Variants in PECR observed in about 807,000 individuals in gnomAD.
PECR encodes 2,4-dienoyl-CoA reductase-related protein.
Under a neutral mutation model 35.3 loss-of-function variants are expected in PECR, and 30 were observed. The observed-to-expected ratio is 0.85, with a 90% CI of 0.64 to 1.15. The LOEUF (loss-of-function observed/expected upper bound fraction) is 1.15. PECR is among the 50% of genes most tolerant of loss of function. The pLI is 0.00. For synonymous variants in PECR, 148 were observed against 138.9 expected (o/e 1.07, Z -0.46); for missense variants, 392 against 370.8 (o/e 1.06, Z -0.47).
intron 5 of PECR, among the ~76,000 whole-genome samples, chr2:216,050,062 A>G (rs1322339671): frequency 1.3e-5 from 2 of 152,168 alleles, no homozygotes; most frequent in African/African-American, 4.8e-5. Context: ...TACAAAAAAT[A>G]TAAAAAAGAA....
At chr2:216,070,190 C>T (rs1695560183) in intron 1 of PECR, among the ~76,000 whole-genome samples, 2 of 152,040 alleles carry the variant, frequency 1.3e-5, no homozygotes, top group Non-Finnish European at 2.9e-5. Flanking sequence ...TTTTAACTGA[C>T]AAATAACTAT....
At position 216,042,599 on chromosome 2, in the gene PECR, G is replaced by A. The variant is rs4674050; in HGVS notation, c.826+1305C>T. Among the ~76,000 whole-genome samples, 436 of 152,020 alleles carry A rather than the reference G, an allele frequency of 2.9e-3. 4 individuals carry two copies. The highest frequency in any genetic ancestry group is 0.01 in the African/African-American group (422 of 41,444). On this transcript the variant is annotated intron_variant, in intron 7 of 7. Coordinates refer to ENST00000265322, the MANE Select transcript of PECR (RefSeq NM_018441.6). Reference sequence around the variant, plus strand: ...TATTAGCTTAGATAAACCTTTTAACGTCTGTGGATTTGTTTTGTTGTTTAT... The same window carrying A: ...TATTAGCTTAGATAAACCTTTTAACATCTGTGGATTTGTTTTGTTGTTTAT...
intron 7 of PECR, among the ~76,000 whole-genome samples, chr2:216,030,630 G>A (rs537697883): frequency 1.6e-4 from 24 of 151,584 alleles, no homozygotes; most frequent in African/African-American, 4.8e-4. Flanking sequence ...TGCAACCTCC[G>A]CCCCCAGGTT....
chr2:216,044,430 A>G (rs1200915262), intron 6 of PECR, among the ~76,000 whole-genome samples: 2 of 152,292 alleles, frequency 1.3e-5, no homozygotes, highest in African/African-American at 4.8e-5. Flanking sequence ...GGTCCCTGAA[A>G]TAGTCAATGT....
At chr2:216,079,807 C>A (rs1340980634) in intron 1 of PECR, among the ~76,000 whole-genome samples, 1 of 149,406 alleles carries the variant, frequency 6.7e-6, no homozygotes, top group Non-Finnish European at 1.5e-5. Flanking sequence ...CATATAGAAA[C>A]CCCATCTCTA....
At chr2:216,029,731 C>T (rs1033549359) in intron 7 of PECR, among the ~76,000 whole-genome samples, 15 of 152,204 alleles carry the variant, frequency 9.9e-5, no homozygotes, top group African/African-American at 3.6e-4. Flanking sequence ...ATGCCTAGGG[C>T]CAGAATAGTC....
At chr2:216,065,043 G>A (rs1222077883) in intron 3 of PECR, among the ~76,000 whole-genome samples, 4 of 152,082 alleles carry the variant, frequency 2.6e-5, no homozygotes, top group Non-Finnish European at 5.9e-5. Flanking sequence ...CCAATTTTAT[G>A]AACAAATTAA....
chr2:216,062,577 G>C (rs1695377500), intron 3 of PECR, among the ~76,000 whole-genome samples: 1 of 152,152 alleles, frequency 6.6e-6, no homozygotes, highest in South Asian at 2.1e-4. Context: ...AGCTGAAACA[G>C]ACTGGGTCGG....
intron 6 of PECR, among the ~76,000 whole-genome samples, chr2:216,045,934 T>C (rs1559209031): frequency 6.6e-6 from 1 of 152,052 alleles, no homozygotes; most frequent in Non-Finnish European, 1.5e-5. Context: ...TCCCAGCATT[T>C]TGGGAGGCCG....
intron 4 of PECR, among the ~76,000 whole-genome samples, chr2:216,053,805 A>G (rs1281080068): frequency 6.6e-6 from 1 of 152,180 alleles, no homozygotes; most frequent in East Asian, 1.9e-4. Flanking sequence ...TAAAAATGCA[A>G]TCTCTAGCTT....
At chr2:216,078,158 G>C (rs1020134780) in intron 1 of PECR, among the ~76,000 whole-genome samples, 5 of 152,024 alleles carry the variant, frequency 3.3e-5, no homozygotes, top group African/African-American at 7.2e-5. Flanking sequence ...AAAACTGGAG[G>C]CTAGGCGCGG....
chr2:216,060,408 T>C (rs970376114), intron 3 of PECR, among the ~76,000 whole-genome samples: 4 of 152,182 alleles, frequency 2.6e-5, no homozygotes, highest in African/African-American at 9.7e-5. Context: ...ACACCCGTAA[T>C]CCCAGCACTT....
intron 4 of PECR, 91 bp from the exon 5 acceptor site, chr2:216,051,636 G>C: frequency 1.2e-6 from 1 of 825,596 alleles, no homozygotes. Context: ...CTACCTGACA[G>C]AATTCCACAA....
intron 6 of PECR, among the ~76,000 whole-genome samples, chr2:216,046,283 T>TAC (rs1203249346): frequency 8.3e-6 from 1 of 120,940 alleles, no homozygotes; most frequent in African/African-American, 3.6e-5. Flanking sequence ...AAAGTATATA[T>TAC]ATATACATAC....
Position 216,066,251 on chromosome 2 carries a change from C to G in PECR, c.258+134G>C. On this transcript the variant is annotated intron_variant, in intron 2 of 7. Coordinates refer to ENST00000265322, the MANE Select transcript of PECR (RefSeq NM_018441.6). ...CAGTAAATCATTAACATGAGAATCT[C>G]TTTCACAGCCTCTGCTTCTAGTGAG... 11 of 812,154 alleles carry G rather than the reference C, an allele frequency of 1.4e-5. No individual in the cohort carries two copies. The South Asian group carries it at 1.5e-4, about 11-fold the overall frequency. The allele number at this position is 812,154 out of a possible 1,614,324, so 50.3% of individuals were successfully genotyped here.
chr2:216,056,889 A>C lies in PECR; in HGVS notation c.506+2006T>G, dbSNP rs145870077. On this transcript the variant is annotated intron_variant, in intron 4 of 7. Transcript: ENST00000265322. ...CTATGAGTCATGGTCCAAAGTGTGA[A>C]GGCCACTGGAAAAGGAAACGATTCT... Among the ~76,000 whole-genome samples the C allele has an allele frequency of 6.0e-3, 914 of 152,232 alleles. 18 individuals carry two copies. Among genetic ancestry groups the C allele is most frequent in the African/African-American group, 0.021 (867 of 41,490 alleles).
intron 1 of PECR, among the ~76,000 whole-genome samples, chr2:216,081,125 T>C (rs1193177330): frequency 6.6e-6 from 1 of 152,256 alleles, no homozygotes; most frequent in Non-Finnish European, 1.5e-5. Context: ...TTGTGGTTTA[T>C]TCCCTCACTT....
intron 7 of PECR, among the ~76,000 whole-genome samples, chr2:216,041,481 G>A (rs1056236053): frequency 2.6e-5 from 4 of 152,072 alleles, no homozygotes; most frequent in Admixed American, 2.0e-4. Context: ...CATGTGGGAG[G>A]GGAAAATAAT....
At chr2:216,074,737 T>G (rs552409201) in intron 1 of PECR, among the ~76,000 whole-genome samples, 138 of 152,370 alleles carry the variant, frequency 9.1e-4, no homozygotes, top group Middle Eastern at 3.4e-3. Context: ...GACAGTTGTC[T>G]ACTACAAGTA....
Sources: allele counts gnomAD v4.1 joint callset (sites outside exome capture counted in the v4.1 genomes callset), GRCh38; gene constraint gnomAD v4.1.1; transcripts MANE v1.5; gene names NCBI Gene and HGNC (gene_info 2026-07-23, HGNC 2026-07-21).